MAD1L1: variants seen among roughly 807,000 people sequenced by gnomAD.
MAD1L1 encodes mitotic spindle assembly checkpoint protein MAD1.
MAD1L1 carries 95 observed loss-of-function variants against 96.9 expected under a neutral mutation model. The observed-to-expected ratio is 0.98, with a 90% confidence interval of 0.83 to 1.16. The LOEUF (loss-of-function observed/expected upper bound fraction) is 1.16, where lower values mean the gene tolerates loss of function less well. Ranked by LOEUF, MAD1L1 falls within the 50% of genes most tolerant of loss-of-function variation. The pLI is 0.00. For synonymous variants in MAD1L1, 473 were observed against 396.6 expected (o/e 1.19, Z -2.29); for missense variants, 1,007 against 954.4 (o/e 1.06, Z -0.73).
intron 12 of MAD1L1, among the ~76,000 whole-genome samples, chr7:2,062,101 G>C (rs752635014): frequency 7.2e-5 from 11 of 151,812 alleles, no homozygotes; most frequent in Non-Finnish European, 1.6e-4. Context: ...AATTAGCTGG[G>C]TATAGTGACA....
At chr7:1,957,148 C>T (rs979861248) in intron 16 of MAD1L1, among the ~76,000 whole-genome samples, 5 of 152,254 alleles carry the variant, frequency 3.3e-5, no homozygotes, top group African/African-American at 1.2e-4. Context: ...AGATGTCACT[C>T]CTCCCATCGT....
intron 14 of MAD1L1, among the ~76,000 whole-genome samples, chr7:1,992,740 C>T (rs942972188): frequency 6.6e-6 from 1 of 152,178 alleles, no homozygotes; most frequent in African/African-American, 2.4e-5. Flanking sequence ...AAAACAAGCC[C>T]CCAGGCGGCC....
At chr7:1,877,252 A>T (rs1785432782) in intron 18 of MAD1L1, among the ~76,000 whole-genome samples, 1 of 152,186 alleles carries the variant, frequency 6.6e-6, no homozygotes, top group Non-Finnish European at 1.5e-5. Context: ...ACTGGCACAC[A>T]TTTGAGCTCA....
intron 18 of MAD1L1, among the ~76,000 whole-genome samples, chr7:1,826,257 A>G (rs1782388026): frequency 6.6e-6 from 1 of 151,940 alleles, no homozygotes; most frequent in East Asian, 1.9e-4. Context: ...GCCACCACCG[A>G]GCCCTGACAG....
chr7:2,121,475 G>A (rs1044511733), intron 11 of MAD1L1, among the ~76,000 whole-genome samples: 9 of 152,246 alleles, frequency 5.9e-5, no homozygotes, highest in Non-Finnish European at 1.2e-4. Context: ...GAGTCCCGGT[G>A]GCCAGAGGTG....
intron 5 of MAD1L1, among the ~76,000 whole-genome samples, chr7:2,222,204 C>G (rs1793644776): frequency 6.6e-6 from 1 of 151,816 alleles, no homozygotes; most frequent in Non-Finnish European, 1.5e-5. Context: ...CTCCCGAGTC[C>G]CACAGGCTGG....
At chr7:2,225,081 A>G (rs570393171) in intron 4 of MAD1L1, among the ~76,000 whole-genome samples, 20 of 152,290 alleles carry the variant, frequency 1.3e-4, no homozygotes, top group African/African-American at 4.8e-4. Context: ...TTCCCATTTC[A>G]TGCCACCCTC....
chr7:1,974,736 C>T (rs1376065242), intron 15 of MAD1L1, among the ~76,000 whole-genome samples: 1 of 152,188 alleles, frequency 6.6e-6, no homozygotes, highest in African/African-American at 2.4e-5. Context: ...TGAACAGAGC[C>T]AGGAAAGCTC....
At chr7:1,864,868 T>A (rs1784707114) in intron 18 of MAD1L1, among the ~76,000 whole-genome samples, 1 of 152,190 alleles carries the variant, frequency 6.6e-6, no homozygotes, top group Non-Finnish European at 1.5e-5. Context: ...CAGGAGTGGA[T>A]GCGGCCTGAG....
chr7:1,876,375 C>G (rs1300889466), intron 18 of MAD1L1, among the ~76,000 whole-genome samples: 2 of 152,062 alleles, frequency 1.3e-5, no homozygotes, highest in Non-Finnish European at 2.9e-5. Context: ...CACAGGTGGT[C>G]ACCCTGCCGG....
intron 18 of MAD1L1, among the ~76,000 whole-genome samples, chr7:1,888,746 T>C (rs533214521): frequency 1.4e-4 from 21 of 150,206 alleles, no homozygotes; most frequent in African/African-American, 4.0e-4. Flanking sequence ...TGGGTGGGCA[T>C]GTGTGAGCAT....
At chr7:2,048,222 C>G (rs1784020102) in intron 12 of MAD1L1, among the ~76,000 whole-genome samples, 1 of 152,244 alleles carries the variant, frequency 6.6e-6, no homozygotes, top group African/African-American at 2.4e-5. Flanking sequence ...CTCTCAGACA[C>G]CATGCTCCAG....
chr7:2,070,106 T>C (rs896872481), intron 11 of MAD1L1, among the ~76,000 whole-genome samples: 2 of 152,184 alleles, frequency 1.3e-5, no homozygotes, highest in African/African-American at 4.8e-5. Flanking sequence ...CCAACCACTC[T>C]TGGTGAGCTT....
At chr7:2,010,532 C>T (rs1403414554) in intron 13 of MAD1L1, among the ~76,000 whole-genome samples, 1 of 152,222 alleles carries the variant, frequency 6.6e-6, no homozygotes, top group Admixed American at 6.5e-5. Context: ...CTGACACATG[C>T]TACGGGCTCC....
intron 11 of MAD1L1, among the ~76,000 whole-genome samples, chr7:2,096,354 C>A (rs1056000165): frequency 2.0e-5 from 3 of 152,208 alleles, no homozygotes; most frequent in Non-Finnish European, 4.4e-5. Context: ...CTGCACACAT[C>A]TGGGGGTGGC....
chr7:2,039,814 G>C (rs192266520), intron 12 of MAD1L1, among the ~76,000 whole-genome samples: 1 of 152,006 alleles, frequency 6.6e-6, no homozygotes, highest in Non-Finnish European at 1.5e-5. Context: ...TCTCTACCTT[G>C]TCTTTTCATC....
chr7:1,822,178 A>C (rs1159467051), intron 18 of MAD1L1, among the ~76,000 whole-genome samples: 3 of 126,894 alleles, frequency 2.4e-5, no homozygotes, highest in Admixed American at 7.8e-5. Flanking sequence ...AAGCAATTGC[A>C]AACAAGTGAA....
At chr7:2,105,835 C>A (rs557344215) in intron 11 of MAD1L1, among the ~76,000 whole-genome samples, 1 of 152,102 alleles carries the variant, frequency 6.6e-6, no homozygotes, top group Non-Finnish European at 1.5e-5. Flanking sequence ...TCACCCACCC[C>A]GCTCCCCAGC....
chr7:1,817,282 G>C (rs1314136973), intron 18 of MAD1L1, among the ~76,000 whole-genome samples: 2 of 152,138 alleles, frequency 1.3e-5, no homozygotes, highest in Admixed American at 1.3e-4. Context: ...GCTCCTCAAA[G>C]AGCTGGACGC....
Sources: gnomAD v4.1 joint callset for allele counts (sites outside exome capture counted in the v4.1 genomes callset) on GRCh38, gnomAD v4.1.1 for gene constraint, MANE v1.5 for transcripts, NCBI Gene and HGNC (gene_info 2026-07-23, HGNC 2026-07-21) for gene names.